The following COL6A1 variants were observed in gnomAD, a reference collection of about 807,000 sequenced individuals.
The protein encoded by COL6A1 is collagen type VI alpha 1 chain, also known as collagen alpha-1(VI) chain.
A neutral mutation model predicts 145.6 loss-of-function variants in COL6A1; 80 were observed. The observed-to-expected ratio is 0.55, with a 90% CI of 0.46 to 0.66. COL6A1 has a LOEUF of 0.66. COL6A1 is among the 30% of genes least tolerant of loss of function. The pLI is 0.00. For missense variants in COL6A1, 1,364 were observed against 1,473.8 expected (o/e 0.93, Z 1.22); for synonymous variants, 638 against 622.8 (o/e 1.02, Z -0.36).
chr21:46,002,803 CCGCCCGGGCAG>C (rs2077856016), intron 33 of COL6A1, 93 bp downstream of exon 33: 1 of 1,420,164 alleles, frequency 7.0e-7, no homozygotes, highest in Non-Finnish European at 9.7e-7. Flanking sequence ...GCACGCGGGG[CCGCCCGGGCAG>C]TCCCAGATCT....
At chr21:45,990,464 G>T in intron 13 of COL6A1, 42 bp downstream of exon 13, 1 of 1,142,690 alleles carries the variant, frequency 8.8e-7, no homozygotes, top group Non-Finnish European at 1.2e-6. Context: ...GGACGAGGAG[G>T]AATGGGGCGA....
chr21:45,999,326 G>A (rs2077825037), intron 26 of COL6A1, 108 bp downstream of exon 26: 2 of 1,131,262 alleles, frequency 1.8e-6, no homozygotes, highest in Non-Finnish European at 1.3e-6. Flanking sequence ...CGGCGGGAGG[G>A]AATTTTGGGG....
chr21:45,996,507 TG>T (rs1389295670), intron 20 of COL6A1, among the ~76,000 whole-genome samples: 3 of 152,290 alleles, frequency 2.0e-5, no homozygotes, highest in African/African-American at 7.2e-5. Context: ...GTGGGGAAGT[TG>T]TAAACATTTG....
At position 45,981,859 on chromosome 21, in the gene COL6A1, G is replaced by A. The variant is rs369561233; in HGVS notation, c.9G>A (p.Ala3=). ...GACCGCAGGCCCCAGACATGAGGGC[G>A]GCCCGTGCTCTGCTGCCCCTGCTGC... is the stretch of plus-strand genomic sequence containing the variant. MR[A]ARALLPLLLQ... is the part of the protein sequence containing the mutation. Residue 3 remains alanine, a synonymous_variant, in exon 1 of 35, where the codon GCG becomes GCA. Transcript: ENST00000361866. 17 of 1,588,768 alleles carry A rather than the reference G, an allele frequency of 1.1e-5. No individual in the cohort carries two copies. Among genetic ancestry groups the A allele is most frequent in the Admixed American group, 3.5e-5 (2 of 57,408 alleles).
rs1246629091 is a variant in COL6A1, at chr21:45,994,420, G to C, written c.1398+191G>C. Among the ~76,000 whole-genome samples, 1 of 151,974 alleles carries C rather than the reference G, an allele frequency of 6.6e-6. No individual in the cohort carries two copies. The highest frequency in any genetic ancestry group is 1.5e-5 in the Non-Finnish European group (1 of 67,972). On this transcript the variant is annotated intron_variant, in intron 20 of 34. Coordinates refer to ENST00000361866, the MANE Select transcript of COL6A1 (RefSeq NM_001848.3). The surrounding 1 kb of genome is among the most constrained non-coding windows in gnomAD (Gnocchi z 6.8). ...GGCGCGGCCTGGGCCGGGCTGGTGT[G>C]GATTGTTGAGAGCAGGCCCAGCGCC... is the stretch of plus-strand genomic sequence containing the variant.
chr21:45,999,255 G>A (rs766929697), intron 26 of COL6A1, 37 bp downstream of exon 26: 5 of 1,549,966 alleles, frequency 3.2e-6, no homozygotes, highest in African/African-American at 2.7e-5. Context: ...ACGGTGGGCT[G>A]TGCCTGGGAC....
chr21:45,989,766 C>G lies in COL6A1; in HGVS notation c.918C>G (p.Ser306Arg). ...GYQGMKGEKGSRGEKGSRGPK... is the reference protein window; with the variant it reads ...GYQGMKGEKGRRGEKGSRGPK... ...TGGGTGTGTAGGGAGAAAAAGGGAGCCGTGGGGAGAAGGTGAGTGAGGCTC... is the reference window on the plus strand; with the variant it reads ...TGGGTGTGTAGGGAGAAAAAGGGAGGCGTGGGGAGAAGGTGAGTGAGGCTC... The change falls in exon 11 of 35, where the codon AGC becomes AGG. Residue 306 changes from serine (S) to arginine (R), a missense_variant. By Grantham distance (110) the Ser-to-Arg change is moderately radical. Around this residue, in one of 3 missense-constraint regions of COL6A1, gnomAD observed 414 missense variants for 437.6 expected, o/e 0.95. Coordinates refer to ENST00000361866, the MANE Select transcript of COL6A1 (RefSeq NM_001848.3). 1 of 1,612,930 alleles carries G rather than the reference C, an allele frequency of 6.2e-7. No individual in the cohort carries two copies. The highest frequency in any genetic ancestry group is 8.5e-7 in the Non-Finnish European group (1 of 1,179,988).
intron 20 of COL6A1, among the ~76,000 whole-genome samples, chr21:45,996,900 A>C (rs983712448): frequency 2.0e-5 from 3 of 152,160 alleles, no homozygotes; most frequent in African/African-American, 4.8e-5. Context: ...GGTGGTGTCC[A>C]GGCTCAGCCC....
Position 45,986,543 on chromosome 21 carries a change from A to C in COL6A1, c.446A>C (p.Glu149Ala). Residue 149 changes from glutamate (E) to alanine (A), a missense_variant, in exon 4 of 35, where the codon GAG becomes GCG. This residue lies in a region of COL6A1 where 414 missense variants were observed against 437.6 expected (regional missense o/e 0.95). Transcript: ENST00000361866. The part of the protein sequence containing the change: ...QLLVGGSHLK[E>A]NKYLIVVTDG... ...CTGTCCAGGGGCTCCCACCTGAAGGAGAATAAGTACCTGATTGTGGTGACC... is the reference window on the plus strand; with the variant it reads ...CTGTCCAGGGGCTCCCACCTGAAGGCGAATAAGTACCTGATTGTGGTGACC... The C allele has an allele frequency of 1.3e-6, 2 of 1,563,286 alleles. No homozygotes were observed. Among genetic ancestry groups the C allele is most frequent in the Non-Finnish European group, 1.7e-6 (2 of 1,153,900 alleles).
In COL6A1 at chr21:46,003,631, G is replaced by A. The variant is rs757422397; in HGVS notation, c.2705G>A (p.Ser902Asn). ...CTGCAGAACTACACGGCCCTGGCCA[G>A]TGCCGTCGATGCCATGGACTTTATC... ...QFLQNYTALA[S>N]AVDAMDFIND... The change falls in exon 35 of 35, where the codon AGT becomes AAT. Residue 902 changes from serine (S) to asparagine (N), a missense_variant. Ser to Asn is a conservative substitution (Grantham distance 46). Around this residue, in one of 3 missense-constraint regions of COL6A1, gnomAD observed 938 missense variants for 1,003.8 expected, o/e 0.93. Transcript: ENST00000361866. 42 of 1,612,946 alleles carry A rather than the reference G, an allele frequency of 2.6e-5. No homozygotes were observed. The South Asian group carries it at 4.2e-4, about 16-fold the overall frequency.
intron 15 of COL6A1, among the ~76,000 whole-genome samples, chr21:45,991,713 T>G (rs1200216138): frequency 6.6e-6 from 1 of 152,160 alleles, no homozygotes; most frequent in African/African-American, 2.4e-5. Context: ...GCCCTAGATT[T>G]GAGTTTGCCA....
At chr21:45,981,973 T>A (rs369215512) in intron 1 of COL6A1, 26 bp downstream of exon 1, 61 of 1,550,052 alleles carry the variant, frequency 3.9e-5, no homozygotes, top group Non-Finnish European at 4.9e-5. Flanking sequence ...GGGTGCAGGC[T>A]CCAGACCCCC....
chr21:45,992,665 T>G, intron 18 of COL6A1, 83 bp from the exon 19 acceptor site: 1 of 1,398,938 alleles, frequency 7.1e-7, no homozygotes, highest in Non-Finnish European at 9.9e-7. Context: ...GGGGAGTCAG[T>G]CCAGGCCAGG....
chr21:45,986,524 A>G lies in COL6A1; in HGVS notation c.429-2A>G. ...GGTCTCACGCTGCCCTCTCCTGTCC[A>G]GGGGCTCCCACCTGAAGGAGAATAA... On this transcript the variant is annotated splice_acceptor_variant, in intron 3 of 34. Coordinates refer to ENST00000361866, the MANE Select transcript of COL6A1 (RefSeq NM_001848.3). LOFTEE classifies it high-confidence loss of function. 1 of 1,557,078 alleles carries G rather than the reference A, an allele frequency of 6.4e-7. No homozygotes were observed. Among genetic ancestry groups the G allele is most frequent in the East Asian group, 2.4e-5 (1 of 41,422 alleles).
At chr21:46,000,028 C>T (rs112906545) in intron 27 of COL6A1, among the ~76,000 whole-genome samples, 12 of 898 alleles carry the variant, frequency 0.013, no homozygotes, top group East Asian at 0.033. Context: ...ATGGGGGACC[C>T]GTGTGAGGAT....
intron 20 of COL6A1, among the ~76,000 whole-genome samples, chr21:45,997,012 CAG>C (rs2077808688): frequency 1.3e-5 from 2 of 152,298 alleles, no homozygotes; most frequent in African/African-American, 4.8e-5. Flanking sequence ...GGAGAAGGGG[CAG>C]GTGGTCTGCG....
chr21:45,995,779 G>T (rs2077801458), intron 20 of COL6A1, among the ~76,000 whole-genome samples: 2 of 152,206 alleles, frequency 1.3e-5, no homozygotes, highest in South Asian at 4.1e-4. Flanking sequence ...TGAGACCAGG[G>T]CACCATGTGA....
intron 6 of COL6A1, 95 bp downstream of exon 6, chr21:45,987,270 C>A: frequency 6.4e-7 from 1 of 1,561,186 alleles, no homozygotes; most frequent in Middle Eastern, 1.7e-4. Context: ...TATGCATATC[C>A]GCCCATGTGC....
At chr21:45,984,525 G>C in intron 3 of COL6A1, 56 bp downstream of exon 3, 3 of 1,558,106 alleles carry the variant, frequency 1.9e-6, no homozygotes, top group East Asian at 2.3e-5. Flanking sequence ...TACCCAGCCT[G>C]GGCTGGGGTT....
Sources: gnomAD v4.1 joint callset for allele counts (sites outside exome capture counted in the v4.1 genomes callset) on GRCh38, gnomAD v4.1.1 for gene constraint, gnomAD v4.1.1 regional missense constraint, Gnocchi (gnomAD v3.1) non-coding constraint, MANE v1.5 for transcripts, NCBI Gene and HGNC (gene_info 2026-07-23, HGNC 2026-07-21) for gene names.